Variants in FBXO17 observed in about 807,000 individuals in gnomAD.
FBXO17 encodes the protein F-box protein 17.
Under a neutral mutation model 34.1 loss-of-function variants are expected in FBXO17, and 43 were observed. The ratio of observed to expected loss-of-function variants is 1.26; its 90% CI spans 0.99 to 1.62. The LOEUF (loss-of-function observed/expected upper bound fraction) is 1.62. Ranked by LOEUF, FBXO17 falls within the 40% of genes most tolerant of loss-of-function variation. FBXO17 has a pLI of 0.00. For synonymous variants in FBXO17, 169 were observed against 166.0 expected, an observed-to-expected ratio of 1.02 and a Z score of -0.14; for missense variants, 424 against 386.7, an observed-to-expected ratio of 1.10 and a Z score of -0.81.
intron 3 of FBXO17, chr19:38,946,773 G>A (rs139407913): frequency 3.5e-5 from 23 of 666,454 alleles, no homozygotes; most frequent in African/African-American, 1.1e-4. Flanking sequence ...ACCCTGCTGC[G>A]GGCTCCAGGC....
chr19:38,946,922 C>T (rs557259686), intron 3 of FBXO17: 41 of 241,174 alleles, frequency 1.7e-4, no homozygotes, highest in African/African-American at 7.6e-4. Flanking sequence ...AGCTGGACAG[C>T]CTTGTCTCTG....
intron 1 of FBXO17, among the ~76,000 whole-genome samples, chr19:38,970,563 C>T (rs1370198393): frequency 6.6e-6 from 1 of 152,100 alleles, no homozygotes; most frequent in African/African-American, 2.4e-5. Flanking sequence ...ATATGCAGGT[C>T]CACATCTGTC....
Position 38,950,036 on chromosome 19 carries a change from G to T in FBXO17, c.284C>A (p.Ala95Asp), listed in dbSNP as rs1975052631. 7.0e-6 allele frequency: 11 copies of T among 1,565,988 alleles called. No individual in the cohort carries two copies. The East Asian group carries it at 2.6e-4, about 37-fold the overall frequency. The change falls in exon 2 of 6, where the codon GCC becomes GAC. Residue 95 changes from alanine (A) to aspartate (D), a missense_variant. Transcript: ENST00000292852. ...NEDKEEFPLC[A>D]LARYCLRAPF... ...CGCGCGCAGACAGTAGCGCGCCAGG[G>T]CGCACAGCGGGAACTCCTCCTTGTC...
chr19:38,946,378 C>T, intron 4 of FBXO17, 94 bp downstream of exon 4: 1 of 1,575,056 alleles, frequency 6.3e-7, no homozygotes, highest in East Asian at 2.2e-5. Flanking sequence ...ACAGCCGCTA[C>T]CCGTGGGGTT....
intron 1 of FBXO17, among the ~76,000 whole-genome samples, chr19:38,968,391 T>C (rs1368395889): frequency 2.7e-5 from 4 of 149,952 alleles, no homozygotes; most frequent in Admixed American, 6.7e-5. Flanking sequence ...GAGGCCGAGG[T>C]AGGAGGATCC....
At chr19:38,953,136 T>C (rs1034438837) in intron 1 of FBXO17, among the ~76,000 whole-genome samples, 1 of 151,676 alleles carries the variant, frequency 6.6e-6, no homozygotes, top group Admixed American at 6.6e-5. Context: ...ACTCCACCTG[T>C]ACAAAAAATA....
intron 1 of FBXO17, among the ~76,000 whole-genome samples, chr19:38,971,989 G>C (rs1975396567): frequency 6.6e-6 from 1 of 152,172 alleles, no homozygotes. Context: ...ACCACCCCAT[G>C]AAGTAGGCAC....
intron 4 of FBXO17, chr19:38,945,899 G>A (rs959693005): frequency 2.2e-5 from 4 of 179,764 alleles, no homozygotes; most frequent in Admixed American, 1.2e-4. Context: ...GTTGGGGGAC[G>A]GGAAAGGATG....
chr19:38,966,543 G>A (rs1241439080), intron 1 of FBXO17, among the ~76,000 whole-genome samples: 1 of 152,072 alleles, frequency 6.6e-6, no homozygotes, highest in Non-Finnish European at 1.5e-5. Flanking sequence ...TTGCAAAGAT[G>A]TTCTAAACAG....
At chr19:38,955,393 G>A (rs1975152656) in intron 1 of FBXO17, among the ~76,000 whole-genome samples, 2 of 151,796 alleles carry the variant, frequency 1.3e-5, no homozygotes, top group South Asian at 2.1e-4. Flanking sequence ...CGCATGCAGC[G>A]TCTTTGTTTC....
Position 38,966,348 on chromosome 19 carries a change from G to A in FBXO17, c.-18+9238C>T, listed in dbSNP as rs542010009. ...AGATGGGGTCTCACTATGTTGCCCA[G>A]GTTGGTCTCAAACTCCTGGCCTCAA... On this transcript the variant is annotated intron_variant, in intron 1 of 5. Transcript: ENST00000292852. Among the ~76,000 whole-genome samples, 444 of 146,190 alleles carry A rather than the reference G, an allele frequency of 3.0e-3. 1 individual carries two copies. The highest frequency in any genetic ancestry group is 7.6e-3 in the South Asian group (34 of 4,490).
At chr19:38,945,588 G>C (rs569624961) in intron 4 of FBXO17, 2 of 145,196 alleles carry the variant, frequency 1.4e-5, no homozygotes, top group South Asian at 2.4e-4. Flanking sequence ...GGGTGGTCCT[G>C]GGGTGGAGCC....
At chr19:38,962,530 T>C (rs978883824) in intron 1 of FBXO17, among the ~76,000 whole-genome samples, 2 of 152,140 alleles carry the variant, frequency 1.3e-5, no homozygotes, top group African/African-American at 4.8e-5. Context: ...TCTTACTGAA[T>C]GGACTTCTGC....
chr19:38,960,877 G>T, intron 1 of FBXO17, among the ~76,000 whole-genome samples: 1 of 150,238 alleles, frequency 6.7e-6, no homozygotes, highest in East Asian at 2.0e-4. Context: ...CATGATCTCC[G>T]CTCACTGCAA....
At chr19:38,944,189 A>C (rs191514618) in intron 5 of FBXO17, among the ~76,000 whole-genome samples, 12 of 152,222 alleles carry the variant, frequency 7.9e-5, no homozygotes, top group African/African-American at 2.6e-4. Flanking sequence ...GTGGCTGCAT[A>C]ACTTTGGCTT....
chr19:38,950,049 A>T lies in FBXO17; in HGVS notation c.271T>A (p.Phe91Ile). 1 of 1,567,966 alleles carries T rather than the reference A, an allele frequency of 6.4e-7. No homozygotes were observed. The highest frequency in any genetic ancestry group is 8.6e-7 in the Non-Finnish European group (1 of 1,157,904). The part of the protein sequence containing the change: ...CLPSNEDKEE[F>I]PLCALARYCL... ...TAGCGCGCCAGGGCGCACAGCGGGA[A>T]CTCCTCCTTGTCTTCGTTGCTGGGC... is the stretch of plus-strand genomic sequence containing the variant. Residue 91 changes from phenylalanine to isoleucine, a missense_variant, in exon 2 of 6, where the codon TTC (phenylalanine) becomes ATC (isoleucine). Physicochemically the swap from Phe to Ile is conservative, Grantham distance 21 (BLOSUM62 0). Transcript: ENST00000292852.
chr19:38,973,440 T>C (rs1279098087), intron 1 of FBXO17, among the ~76,000 whole-genome samples: 1 of 152,202 alleles, frequency 6.6e-6, no homozygotes, highest in African/African-American at 2.4e-5. Flanking sequence ...TAGCAGGTCT[T>C]CTGTGGCTGT....
At chr19:38,950,460 GA>G in intron 1 of FBXO17, 124 bp from the exon 2 acceptor site, 2 of 1,277,968 alleles carry the variant, frequency 1.6e-6, no homozygotes, top group Non-Finnish European at 2.0e-6. Context: ...GGCAACCAGG[GA>G]CCCATTTCCC....
Position 38,948,562 on chromosome 19 carries a change from C to G in FBXO17, c.461+5G>C. The stretch of plus-strand genomic sequence containing the variant: ...GGATCGGGGCCTCTCACTTGGGCCA[C>G]TCACTCGAAAGAGGTCACGAAGCAG... On this transcript the variant is annotated splice_donor_5th_base_variant and intron_variant, in intron 3 of 5. Transcript: ENST00000292852. 6.2e-7 allele frequency: 1 copy of G among 1,612,574 alleles called. No homozygotes were observed. The highest frequency in any genetic ancestry group is 1.3e-5 in the African/African-American group (1 of 75,028).
Sources: gnomAD v4.1 joint callset for allele counts (sites outside exome capture counted in the v4.1 genomes callset) on GRCh38, gnomAD v4.1.1 for gene constraint, MANE v1.5 for transcripts, NCBI Gene and HGNC (gene_info 2026-07-23, HGNC 2026-07-21) for gene names.